Variants in LPO observed in about 807,000 individuals in gnomAD.
The protein encoded by LPO is lactoperoxidase, also known as salivary peroxidase.
In LPO, 70 loss-of-function variants were observed where a neutral mutation model predicts 68.4. That is an observed-to-expected ratio of 1.02 (90% confidence interval 0.84 to 1.25). The LOEUF (loss-of-function observed/expected upper bound fraction) is 1.25, where lower values mean the gene tolerates loss of function less well. Among genes scored for constraint, LPO ranks in the 50% most tolerant of loss-of-function variants. The probability of loss-of-function intolerance (pLI) is 0.00; values close to 1 mark genes in which losing one functional copy is unlikely to be tolerated. For synonymous variants in LPO, 360 were observed against 357.6 expected, an observed-to-expected ratio of 1.01 and a Z score of -0.08; for missense variants, 873 against 908.4, an observed-to-expected ratio of 0.96 and a Z score of 0.50.
chr17:58,245,698 A>G (rs959324391), intron 3 of LPO, among the ~76,000 whole-genome samples: 1 of 152,034 alleles, frequency 6.6e-6, no homozygotes, highest in Non-Finnish European at 1.5e-5. Flanking sequence ...TCCTCCTAAG[A>G]CCTTTCTCCC....
At chr17:58,265,802 C>T (rs950702698) in intron 10 of LPO, among the ~76,000 whole-genome samples, 3 of 151,660 alleles carry the variant, frequency 2.0e-5, no homozygotes, top group African/African-American at 7.3e-5. Context: ...CCAGGCTGGT[C>T]CCAAACTCCT....
chr17:58,250,469 G>A lies in LPO; in HGVS notation c.628G>A (p.Asp210Asn). 2.5e-6 allele frequency: 4 copies of A among 1,614,144 alleles called. No homozygotes were observed. Among genetic ancestry groups the A allele is most frequent in the Non-Finnish European group, 3.4e-6 (4 of 1,180,028 alleles). The change falls in exon 7 of 13, where the codon GAC (aspartate) becomes AAC (asparagine). Residue 210 changes from aspartate to asparagine, a missense_variant. Coordinates refer to ENST00000262290, the MANE Select transcript of LPO (RefSeq NM_006151.3). ...VGYLNEEGVLDQNRSLLFMQW... is the reference protein window; with the variant it reads ...VGYLNEEGVLNQNRSLLFMQW... ...CTATCTGAATGAGGAGGGTGTTCTG[G>A]ACCAAAACAGGTCCCTGCTCTTCAT... is the stretch of plus-strand genomic sequence containing the variant.
chr17:58,266,323 C>T lies in LPO; in HGVS notation c.1690C>T (p.Pro564Ser), dbSNP rs1970265117. ...NTQRCRDHGQ[P>S]GYNSWRAFCD... ...ACAGCGTTGCCGGGACCATGGGCAACCTGGTGAGTGTCTGAAGTCTGGCCT... is the reference window on the plus strand; with the variant it reads ...ACAGCGTTGCCGGGACCATGGGCAATCTGGTGAGTGTCTGAAGTCTGGCCT... Residue 564 changes from proline (P) to serine (S), a missense_variant, in exon 11 of 13, where the codon CCT becomes TCT. Physicochemically the swap from Pro to Ser is moderately conservative, Grantham distance 74. Transcript: ENST00000262290. 4 of 1,613,906 alleles carry T rather than the reference C, an allele frequency of 2.5e-6. No homozygotes were observed. In the East Asian group the frequency reaches 6.7e-5, roughly 27 times the overall value.
chr17:58,268,454 A>C lies in LPO; in HGVS notation c.*460A>C. 1 of 165,942 alleles carries C rather than the reference A, an allele frequency of 6.0e-6. No homozygotes were observed. The highest frequency in any genetic ancestry group is 1.3e-5 in the Non-Finnish European group (1 of 76,532). The allele number at this position is 165,942 out of a possible 1,614,324, so 10.3% of individuals were successfully genotyped here. On this transcript the variant is annotated 3_prime_UTR_variant, in exon 13 of 13. Transcript: ENST00000262290. ...ACTGACTAAAGATGCTAGGCGTGAC[A>C]CCGTTCCCTCCAAAAGCAGACCTCG...
At position 58,254,678 on chromosome 17, in the gene LPO, C is replaced by T. The variant is rs925685799; in HGVS notation, c.1106-133C>T. 1.5e-5 allele frequency: 10 copies of T among 685,662 alleles called. No homozygotes were observed. In the African/African-American group the frequency reaches 1.5e-4, roughly 10 times the overall value. The allele number at this position is 685,662 out of a possible 1,614,324, so 42.5% of individuals were successfully genotyped here. ...CCCCTCCCCATCCCTATTCACCTGA[C>T]GGGAAGTAGGGCTTGTTGACGGGGC... is the stretch of plus-strand genomic sequence containing the variant. On this transcript the variant is annotated intron_variant, in intron 8 of 12. Transcript: ENST00000262290.
chr17:58,244,143 A>G, intron 3 of LPO, 62 bp downstream of exon 3: 1 of 1,334,014 alleles, frequency 7.5e-7, no homozygotes. Context: ...TTCCCTTCAC[A>G]GGCTTCCTGT....
intron 1 of LPO, among the ~76,000 whole-genome samples, chr17:58,240,115 C>G (rs1281705455): frequency 6.6e-6 from 1 of 152,186 alleles, no homozygotes; most frequent in East Asian, 1.9e-4. Flanking sequence ...AACGATCTAA[C>G]TTTTCCTGGA....
chr17:58,250,362 C>T (rs1016004567), intron 6 of LPO, 53 bp from the exon 7 acceptor site: 4 of 1,425,526 alleles, frequency 2.8e-6, no homozygotes, highest in South Asian at 1.2e-5. Flanking sequence ...GCATCTGAAT[C>T]CTCAAAGCAC....
rs568063328 is a variant in LPO, at chr17:58,244,714, G to A, written c.164+633G>A. 2.0e-4 allele frequency among the ~76,000 whole-genome samples: 30 copies of A among 152,356 alleles called. No homozygotes were observed. In the South Asian group the frequency reaches 6.0e-3, roughly 31 times the overall value. On this transcript the variant is annotated intron_variant, in intron 3 of 12. Coordinates refer to ENST00000262290, the MANE Select transcript of LPO (RefSeq NM_006151.3). The stretch of plus-strand genomic sequence containing the variant: ...TGGCTGCAGGCTTGCAGGTGGCTGA[G>A]AGGTGTTGTGGCACACCTGTGGAAT...
chr17:58,250,702 ATCT>A, intron 7 of LPO, 81 bp downstream of exon 7: 4 of 1,400,312 alleles, frequency 2.9e-6, no homozygotes, highest in Non-Finnish European at 4.0e-6. Context: ...ATCAGCTAGG[ATCT>A]CTGGATAGAT....
intron 9 of LPO, among the ~76,000 whole-genome samples, chr17:58,262,969 A>T (rs564646347): frequency 9.2e-5 from 14 of 152,268 alleles, no homozygotes; most frequent in South Asian, 2.1e-4. Context: ...TATGAATGCC[A>T]GATCTTTTGT....
At chr17:58,255,858 T>C (rs1970060625) in intron 9 of LPO, among the ~76,000 whole-genome samples, 1 of 152,198 alleles carries the variant, frequency 6.6e-6, no homozygotes, top group Non-Finnish European at 1.5e-5. Flanking sequence ...TCTCACCAGT[T>C]ATAAATGCAA....
chr17:58,248,350 C>A (rs1969890660), intron 4 of LPO, among the ~76,000 whole-genome samples: 1 of 152,208 alleles, frequency 6.6e-6, no homozygotes, highest in South Asian at 2.1e-4. Flanking sequence ...GCACTTTGAC[C>A]TCTGAAATAC....
rs891194045 is a variant in LPO at position 58,243,127 on chromosome 17, C to G, written c.76+72C>G. On this transcript the variant is annotated intron_variant, in intron 2 of 12. Transcript: ENST00000262290. The stretch of plus-strand genomic sequence containing the variant: ...ACACCAACTGGATGGCCTAAGACAA[C>G]AGAAATGTATTCTCTCACAGTACGG... 12 of 1,421,702 alleles carry G rather than the reference C, an allele frequency of 8.4e-6. No individual in the cohort carries two copies. The African/African-American group carries it at 1.7e-4, about 20-fold the overall frequency. The allele number at this position is 1,421,702 out of a possible 1,614,324, so 88.1% of individuals were successfully genotyped here.
chr17:58,243,895 G>T (rs1429386162), intron 2 of LPO, 99 bp from the exon 3 acceptor site: 2 of 769,680 alleles, frequency 2.6e-6, no homozygotes, highest in Non-Finnish European at 4.6e-6. Flanking sequence ...GATTTGAGGG[G>T]TGGGGGTAAT....
chr17:58,250,210 G>A (rs1402399143), intron 6 of LPO, among the ~76,000 whole-genome samples: 1 of 152,048 alleles, frequency 6.6e-6, no homozygotes, highest in East Asian at 1.9e-4. Context: ...CCTTTGTAGC[G>A]GCAGGACCTT....
chr17:58,263,562 A>C (rs1293799418), intron 9 of LPO, among the ~76,000 whole-genome samples: 1 of 152,132 alleles, frequency 6.6e-6, no homozygotes, highest in Non-Finnish European at 1.5e-5. Flanking sequence ...AACATGGTGA[A>C]ACCCCATCTC....
intron 9 of LPO, 44 bp from the exon 10 acceptor site, chr17:58,264,678 A>C: frequency 6.2e-7 from 1 of 1,608,340 alleles, no homozygotes; most frequent in Non-Finnish European, 8.5e-7. Flanking sequence ...GCAGAGGTTT[A>C]AACCTTCTTA....
At position 58,268,055 on chromosome 17, in the gene LPO, T is replaced by C; in HGVS notation, c.*61T>C. The C allele has an allele frequency of 6.5e-7, 1 of 1,538,410 alleles. No homozygotes were observed. Among genetic ancestry groups the C allele is most frequent in the Non-Finnish European group, 9.0e-7 (1 of 1,116,950 alleles). On this transcript the variant is annotated 3_prime_UTR_variant, in exon 13 of 13. Coordinates refer to ENST00000262290, the MANE Select transcript of LPO (RefSeq NM_006151.3). ...ACAGGGCCATTTCAAGCAAGTTCAA[T>C]GACCTGGTCCCTTAGAGCTCCATAT... is the stretch of plus-strand genomic sequence containing the variant.
Sources: gnomAD v4.1 joint callset for allele counts (sites outside exome capture counted in the v4.1 genomes callset) on GRCh38, gnomAD v4.1.1 for gene constraint, MANE v1.5 for transcripts, NCBI Gene and HGNC (gene_info 2026-07-23, HGNC 2026-07-21) for gene names.